MPP7: variants seen among roughly 807,000 people sequenced by gnomAD.
MPP7 encodes the protein MAGUK p55 scaffold protein 7.
Under a neutral mutation model 76.5 loss-of-function variants are expected in MPP7, and 60 were observed. The observed-to-expected ratio is 0.78, with a 90% CI of 0.64 to 0.97. The LOEUF is 0.97. MPP7 is among the 50% of genes least tolerant of loss of function. MPP7 has a pLI of 0.00. For missense variants in MPP7, 641 were observed against 694.0 expected (o/e 0.92, Z 0.86); for synonymous variants, 237 against 244.5 (o/e 0.97, Z 0.29).
At chr10:28,303,902 T>A (rs951319866), upstream of MPP7, among the ~76,000 whole-genome samples, 1 of 152,136 alleles carries the variant, frequency 6.6e-6, no homozygotes, top group African/African-American at 2.4e-5. Flanking sequence ...CAACACATAA[T>A]GTGGACAGCA....
intron 1 of MPP7, among the ~76,000 whole-genome samples, chr10:28,260,736 C>CTGA (rs1389298001): frequency 5.1e-5 from 7 of 137,672 alleles, no homozygotes; most frequent in Non-Finnish European, 1.1e-4. Flanking sequence ...TGTGCTGCTG[C>CTGA]ACTCCAGCTT....
intron 1 of MPP7, among the ~76,000 whole-genome samples, chr10:28,294,946 T>C (rs1397087654): frequency 8.6e-5 from 13 of 151,726 alleles, no homozygotes. Context: ...TTTCAAAGTG[T>C]TAACCACTAC....
At chr10:28,130,622 C>T (rs753613969) in intron 6 of MPP7, among the ~76,000 whole-genome samples, 1 of 152,156 alleles carries the variant, frequency 6.6e-6, no homozygotes, top group South Asian at 2.1e-4. Flanking sequence ...CTAAAGATAT[C>T]TTTGACTCTT....
At chr10:28,320,785 C>T (rs954036614) in intron 2 of MPP7, among the ~76,000 whole-genome samples, 2 of 151,466 alleles carry the variant, frequency 1.3e-5, no homozygotes, top group African/African-American at 2.4e-5. Context: ...GCCTACATCT[C>T]CTATTTTGCC....
upstream of MPP7, among the ~76,000 whole-genome samples, chr10:28,303,943 C>T (rs567738633): frequency 2.0e-5 from 3 of 152,046 alleles, no homozygotes; most frequent in South Asian, 2.1e-4. Context: ...CAGGAAGACT[C>T]TTATAGGAAG....
intron 1 of MPP7, among the ~76,000 whole-genome samples, chr10:28,273,320 T>C (rs1035933532): frequency 1.3e-5 from 2 of 152,236 alleles, no homozygotes; most frequent in African/African-American, 4.8e-5. Context: ...TGCCCTAAAT[T>C]AACCAGGAAG....
At position 28,204,930 on chromosome 10, in the gene MPP7, C is replaced by T. The variant is rs372390821; in HGVS notation, c.38-2659G>A. Among the ~76,000 whole-genome samples the T allele has an allele frequency of 7.2e-5, 11 of 152,262 alleles. 1 individual carries two copies. In the East Asian group the frequency reaches 1.9e-3, roughly 27 times the overall value. ...TTACATATGGAAAGTGTTAACTTTA[C>T]CCAAGTACTGCTTACATTTTGTGGG... On this transcript the variant is annotated intron_variant, in intron 2 of 16. Transcript: ENST00000683449.
intron 8 of MPP7, 86 bp from the exon 9 acceptor site, chr10:28,120,754 A>C: frequency 9.8e-7 from 1 of 1,021,598 alleles, no homozygotes; most frequent in South Asian, 1.4e-5. Flanking sequence ...AATGCATCTG[A>C]AAATTTACAA....
chr10:28,231,867 T>C (rs1255698931), intron 2 of MPP7, among the ~76,000 whole-genome samples: 1 of 152,084 alleles, frequency 6.6e-6, no homozygotes, highest in African/African-American at 2.4e-5. Context: ...CCCAATACAC[T>C]ACACGAGACC....
intron 2 of MPP7, among the ~76,000 whole-genome samples, chr10:28,218,631 T>C (rs1055643638): frequency 6.6e-6 from 1 of 152,144 alleles, no homozygotes; most frequent in Non-Finnish European, 1.5e-5. Context: ...TTCTAGGCAA[T>C]GATACCTACT....
At chr10:28,226,961 T>C (rs537981709) in intron 2 of MPP7, among the ~76,000 whole-genome samples, 1 of 152,328 alleles carries the variant, frequency 6.6e-6, no homozygotes, top group Admixed American at 6.5e-5. Context: ...AGCAGGTATT[T>C]TACCTTACCA....
intron 2 of MPP7, among the ~76,000 whole-genome samples, chr10:28,326,603 G>C (rs1421762205): frequency 1.3e-5 from 2 of 152,210 alleles, no homozygotes; most frequent in African/African-American, 2.4e-5. Flanking sequence ...AGCAAGCCCT[G>C]GCTAAGGCTA....
intron 2 of MPP7, among the ~76,000 whole-genome samples, chr10:28,220,109 A>G (rs1310172937): frequency 2.0e-5 from 3 of 152,170 alleles, no homozygotes; most frequent in Non-Finnish European, 4.4e-5. Context: ...CAATTATCTT[A>G]AAGTCCATAA....
intron 3 of MPP7, among the ~76,000 whole-genome samples, chr10:28,185,937 G>A (rs569243490): frequency 6.6e-6 from 1 of 152,126 alleles, no homozygotes; most frequent in Admixed American, 6.5e-5. Context: ...GTGTGAACTA[G>A]CCTCCACACA....
At chr10:28,257,991 T>C (rs1264840326) in intron 1 of MPP7, among the ~76,000 whole-genome samples, 2 of 152,108 alleles carry the variant, frequency 1.3e-5, no homozygotes, top group Admixed American at 1.3e-4. Flanking sequence ...GGTATTACAG[T>C]CCTGTGCTGA....
rs190920439 is a variant in MPP7, at chr10:28,329,067, C to T, written c.-132+862G>A. On this transcript the variant is annotated intron_variant, in intron 2 of 11. Coordinates refer to the MPP7 transcript ENST00000441595. ...GCTACTTCTTGAACCTCTTAATGAC[C>T]TGTAAACTAATCTATCAAGTCTCCT... 1.2e-3 allele frequency among the ~76,000 whole-genome samples: 178 copies of T among 152,256 alleles called. 1 individual carries two copies. The highest frequency in any genetic ancestry group is 3.3e-3 in the South Asian group (16 of 4,830).
chr10:28,292,961 C>T (rs985433737), intron 1 of MPP7, among the ~76,000 whole-genome samples: 5 of 149,006 alleles, frequency 3.4e-5, no homozygotes, highest in Admixed American at 6.7e-5. Context: ...TGGGAAAATT[C>T]GTTTGCCATA....
intron 12 of MPP7, among the ~76,000 whole-genome samples, chr10:28,082,651 T>A (rs987853003): frequency 6.6e-6 from 1 of 152,148 alleles, no homozygotes; most frequent in Non-Finnish European, 1.5e-5. Flanking sequence ...TTGTTTTTTA[T>A]AAAGATGGAG....
chr10:28,200,226 A>C (rs529562980), intron 3 of MPP7, among the ~76,000 whole-genome samples: 1 of 152,310 alleles, frequency 6.6e-6, no homozygotes, highest in South Asian at 2.1e-4. Context: ...TACATACTTG[A>C]AAACGAATAG....
Sources: allele counts gnomAD v4.1 joint callset (sites outside exome capture counted in the v4.1 genomes callset), GRCh38; gene constraint gnomAD v4.1.1; transcripts MANE v1.5; gene names NCBI Gene and HGNC (gene_info 2026-07-23, HGNC 2026-07-21).